The following NEK10 variants were observed in gnomAD, a reference collection of about 807,000 sequenced individuals.
NEK10 encodes NIMA related kinase 10, also known as serine/threonine-protein kinase Nek10.
NEK10 carries 122 observed loss-of-function variants against 159.8 expected under a neutral mutation model. That is an observed-to-expected ratio of 0.76 (90% CI 0.66 to 0.89). The LOEUF is 0.89. Ranked by LOEUF, NEK10 falls within the 40% of genes least tolerant of loss-of-function variation. The probability of loss-of-function intolerance (pLI) is 0.00; values close to 1 mark genes in which losing one functional copy is unlikely to be tolerated. For synonymous variants in NEK10, 466 were observed against 457.1 expected, an observed-to-expected ratio of 1.02 and a Z score of -0.25; for missense variants, 1,342 against 1,323.1, an observed-to-expected ratio of 1.01 and a Z score of -0.22.
intron 20 of NEK10, among the ~76,000 whole-genome samples, chr3:27,287,450 A>G (rs1193752236): frequency 6.6e-6 from 1 of 152,236 alleles, no homozygotes; most frequent in Admixed American, 6.5e-5. Context: ...GAGAATAGCA[A>G]TAACTATTTT....
intron 5 of NEK10, among the ~76,000 whole-genome samples, chr3:27,337,333 G>T (rs1252573404): frequency 2.6e-5 from 4 of 151,872 alleles, no homozygotes; most frequent in African/African-American, 9.7e-5. Context: ...AGGACACAAA[G>T]GAAAGACATT....
chr3:27,262,127 A>G (rs957963384), intron 22 of NEK10, among the ~76,000 whole-genome samples: 4 of 151,864 alleles, frequency 2.6e-5, no homozygotes, highest in Non-Finnish European at 5.9e-5. Context: ...CTGGGTTGAA[A>G]ATTCTTTTCT....
At chr3:27,288,905 G>C (rs2042806039) in intron 19 of NEK10, among the ~76,000 whole-genome samples, 1 of 152,168 alleles carries the variant, frequency 6.6e-6, no homozygotes, top group Non-Finnish European at 1.5e-5. Context: ...TTGCAATACA[G>C]TTGAAGCTGG....
At chr3:27,200,295 G>A (rs1317990715) in intron 25 of NEK10, among the ~76,000 whole-genome samples, 1 of 152,080 alleles carries the variant, frequency 6.6e-6, no homozygotes, top group Non-Finnish European at 1.5e-5. Flanking sequence ...GTTCATCAGA[G>A]ATGGGGCTAA....
chr3:27,120,770 A>G (rs531941710), intron 32 of NEK10, among the ~76,000 whole-genome samples: 25 of 152,322 alleles, frequency 1.6e-4, no homozygotes, highest in Admixed American at 6.5e-4. Context: ...ATGCCTTTCT[A>G]TAAAGCTGAA....
chr3:27,332,085 A>G lies in NEK10; in HGVS notation c.363-9824T>C, dbSNP rs186049552. 3.3e-5 allele frequency among the ~76,000 whole-genome samples: 5 copies of G among 152,352 alleles called. No individual in the cohort carries two copies. The East Asian group carries it at 9.6e-4, about 29-fold the overall frequency. On this transcript the variant is annotated intron_variant, in intron 5 of 35. Transcript: ENST00000691995. Reference sequence around the variant, plus strand: ...ATGCTGGTTATTCTAGAACGATAGTACCAGAACGAGGCCAGTTAAGTAAAG... The same window carrying G: ...ATGCTGGTTATTCTAGAACGATAGTGCCAGAACGAGGCCAGTTAAGTAAAG...
intron 5 of NEK10, among the ~76,000 whole-genome samples, chr3:27,343,287 T>C (rs2149779585): frequency 6.6e-6 from 1 of 152,304 alleles, no homozygotes; most frequent in East Asian, 1.9e-4. Flanking sequence ...ACGTATTGAG[T>C]AGCTGACTCG....
intron 23 of NEK10, among the ~76,000 whole-genome samples, chr3:27,206,256 T>C (rs959026813): frequency 1.3e-5 from 2 of 152,174 alleles, no homozygotes; most frequent in Non-Finnish European, 2.9e-5. Flanking sequence ...TAGTGACTAG[T>C]AGAAGTACTA....
In NEK10 at chr3:27,149,714, A is replaced by G. The variant is rs192883685; in HGVS notation, c.2870-8132T>C. Among the ~76,000 whole-genome samples, 572 of 152,272 alleles carry G rather than the reference A, an allele frequency of 3.8e-3. 6 individuals are homozygous for G. The highest frequency in any genetic ancestry group is 0.012 in the African/African-American group (493 of 41,552). ...TTCCCTGAGACACAACAATACTGAG[A>G]TTAAGCCAGTTAATAATCCTACAAT... On this transcript the variant is annotated intron_variant, in intron 30 of 35. Transcript: ENST00000691995.
intron 5 of NEK10, among the ~76,000 whole-genome samples, chr3:27,342,221 C>T (rs918328473): frequency 2.0e-5 from 3 of 152,002 alleles, no homozygotes; most frequent in Admixed American, 1.3e-4. Context: ...TTCAACCCAA[C>T]ACTAAATCTC....
chr3:27,194,903 CA>C (rs1379565993), intron 25 of NEK10, among the ~76,000 whole-genome samples: 1 of 152,026 alleles, frequency 6.6e-6, no homozygotes, highest in East Asian at 1.9e-4. Context: ...CCGAGCAGAA[CA>C]AAAAAATATA....
chr3:27,323,118 A>G (rs1301402931), intron 5 of NEK10, among the ~76,000 whole-genome samples: 1 of 152,166 alleles, frequency 6.6e-6, no homozygotes, highest in African/African-American at 2.4e-5. Context: ...TGCTCTCAGG[A>G]GAGGCCAGTA....
At chr3:27,276,540 G>A (rs2041787870) in intron 22 of NEK10, among the ~76,000 whole-genome samples, 1 of 152,104 alleles carries the variant, frequency 6.6e-6, no homozygotes, top group Non-Finnish European at 1.5e-5. Context: ...GGTGCCATAA[G>A]GAAACTAAAC....
intron 23 of NEK10, among the ~76,000 whole-genome samples, chr3:27,240,219 G>A (rs1014555340): frequency 1.3e-5 from 2 of 152,036 alleles, no homozygotes; most frequent in African/African-American, 4.8e-5. Flanking sequence ...CCTACTCTGA[G>A]TCACAAATAC....
At position 27,316,722 on chromosome 3, in the gene NEK10, G is replaced by A. The variant is rs772220214; in HGVS notation, c.448-2384C>T. Among the ~76,000 whole-genome samples, 14 of 151,802 alleles carry A rather than the reference G, an allele frequency of 9.2e-5. No individual in the cohort carries two copies. In the South Asian group the frequency reaches 1.5e-3, roughly 16 times the overall value. On this transcript the variant is annotated intron_variant, in intron 6 of 35. Transcript: ENST00000691995. ...ACTAACTCAATGTTTCCTAAACCAT[G>A]TCCTGGAAACAGTCATTTTATTTTG... is the stretch of plus-strand genomic sequence containing the variant.
chr3:27,202,652 T>G lies in NEK10; in HGVS notation c.2091-95A>C. On this transcript the variant is annotated intron_variant, in intron 23 of 35. Coordinates refer to ENST00000691995, the MANE Select transcript of NEK10 (RefSeq NM_001394966.1). ...AGCTTTATTGGAGTTATTTTTTAAGTATCTGAAATGTTTAACTTAATCACT... is the reference window on the plus strand; with the variant it reads ...AGCTTTATTGGAGTTATTTTTTAAGGATCTGAAATGTTTAACTTAATCACT... 2 of 1,352,692 alleles carry G rather than the reference T, an allele frequency of 1.5e-6. 1 individual carries two copies. The highest frequency in any genetic ancestry group is 3.9e-5 in the South Asian group (2 of 51,398). The allele number at this position is 1,352,692 out of a possible 1,614,324, so 83.8% of individuals were successfully genotyped here.
chr3:27,335,432 C>G (rs1034849890), intron 5 of NEK10, among the ~76,000 whole-genome samples: 2 of 151,794 alleles, frequency 1.3e-5, no homozygotes, highest in Non-Finnish European at 2.9e-5. Context: ...CCCCCACTCT[C>G]AGCAGTAAGC....
chr3:27,190,660 G>A (rs956452412), intron 26 of NEK10, among the ~76,000 whole-genome samples: 1 of 152,078 alleles, frequency 6.6e-6, no homozygotes, highest in African/African-American at 2.4e-5. Flanking sequence ...CATACAACTG[G>A]AAATAAGCTA....
intron 19 of NEK10, among the ~76,000 whole-genome samples, chr3:27,290,022 G>A (rs920524137): frequency 1.3e-5 from 2 of 152,150 alleles, no homozygotes; most frequent in Non-Finnish European, 2.9e-5. Context: ...AAATAAGGAA[G>A]GCTGAAAAAG....
Sources: gnomAD v4.1 joint callset for allele counts (sites outside exome capture counted in the v4.1 genomes callset) on GRCh38, gnomAD v4.1.1 for gene constraint, MANE v1.5 for transcripts, NCBI Gene and HGNC (gene_info 2026-07-23, HGNC 2026-07-21) for gene names.